The following TEAD1 variants were observed in gnomAD, a reference collection of about 807,000 sequenced individuals.
The protein encoded by TEAD1 is transcriptional enhancer factor TEF-1.
In TEAD1, 9 loss-of-function variants were observed where a neutral mutation model predicts 54.9. The ratio of observed to expected loss-of-function variants is 0.16; its 90% CI spans 0.10 to 0.29. TEAD1 has a LOEUF of 0.29. Among genes scored for constraint, TEAD1 ranks in the 10% least tolerant of loss-of-function variants. The pLI is 1.00. For missense variants in TEAD1, 387 were observed against 535.9 expected, an observed-to-expected ratio of 0.72 and a Z score of 2.74; for synonymous variants, 200 against 187.8, an observed-to-expected ratio of 1.07 and a Z score of -0.53.
intron 2 of TEAD1, among the ~76,000 whole-genome samples, chr11:12,740,616 G>A (rs1036893361): frequency 6.6e-6 from 1 of 152,128 alleles, no homozygotes; most frequent in Non-Finnish European, 1.5e-5. Flanking sequence ...CTTACATGGC[G>A]GCAGGAGAGA....
At chr11:12,843,231 C>G (rs777472104) in intron 3 of TEAD1, among the ~76,000 whole-genome samples, 3 of 152,190 alleles carry the variant, frequency 2.0e-5, no homozygotes, top group Non-Finnish European at 2.9e-5. Context: ...ACAAGGAGTC[C>G]GAGCCCAGCT....
intron 10 of TEAD1, among the ~76,000 whole-genome samples, chr11:12,913,896 G>A (rs1483930291): frequency 6.6e-6 from 1 of 152,180 alleles, no homozygotes; most frequent in African/African-American, 2.4e-5. Context: ...CCATAAAAAG[G>A]TCCTGTTTCC....
intron 9 of TEAD1, among the ~76,000 whole-genome samples, chr11:12,892,806 A>G (rs978425930): frequency 2.3e-4 from 35 of 152,234 alleles, no homozygotes; most frequent in African/African-American, 7.9e-4. Context: ...CAGTTGCTCC[A>G]TCTTGGGGTG....
intron 3 of TEAD1, among the ~76,000 whole-genome samples, chr11:12,770,676 A>G (rs1444496983): frequency 1.3e-5 from 2 of 152,230 alleles, no homozygotes; most frequent in Non-Finnish European, 2.9e-5. Context: ...TTGAGGTCAC[A>G]TAGTAAATAA....
At chr11:12,850,784 G>A (rs1384763267) in intron 3 of TEAD1, among the ~76,000 whole-genome samples, 1 of 152,138 alleles carries the variant, frequency 6.6e-6, no homozygotes, top group Non-Finnish European at 1.5e-5. Flanking sequence ...AGTGCTTTTA[G>A]CAAACCTTTT....
intron 3 of TEAD1, among the ~76,000 whole-genome samples, chr11:12,847,173 A>C (rs781339132): frequency 1.6e-4 from 25 of 152,256 alleles, no homozygotes; most frequent in Non-Finnish European, 3.1e-4. Flanking sequence ...ATATATTCAG[A>C]TATTTTTTCT....
intron 6 of TEAD1, 37 bp downstream of exon 6, chr11:12,879,879 G>C: frequency 6.2e-7 from 1 of 1,610,986 alleles, no homozygotes; most frequent in Non-Finnish European, 8.5e-7. Context: ...GACAGCTGCT[G>C]GGGTTGGGGT....
chr11:12,708,842 C>A (rs774872747), intron 2 of TEAD1, among the ~76,000 whole-genome samples: 1 of 152,144 alleles, frequency 6.6e-6, no homozygotes, highest in African/African-American at 2.4e-5. Flanking sequence ...AGTCACAGAT[C>A]AGCATGAATA....
chr11:12,883,045 C>T lies in TEAD1; in HGVS notation c.619C>T (p.Gln207Ter). 1 of 1,614,208 alleles carries T rather than the reference C, an allele frequency of 6.2e-7. No homozygotes were observed. Among genetic ancestry groups the T allele is most frequent in the Non-Finnish European group, 8.5e-7 (1 of 1,180,048 alleles). ...CCCAGCTCCCTCAGTCCCTGCCTGG[C>T]AAGGTCGCTCCATTGGCACAACCAA... Residue 207 changes from glutamine to a stop codon, truncating the protein, a stop_gained, in exon 9 of 13, where the codon CAA becomes TAA. Coordinates refer to ENST00000527636, the MANE Select transcript of TEAD1 (RefSeq NM_021961.6). LOFTEE classifies it high-confidence loss of function.
chr11:12,870,889 A>C (rs1301162372), intron 5 of TEAD1, among the ~76,000 whole-genome samples: 1 of 152,198 alleles, frequency 6.6e-6, no homozygotes, highest in African/African-American at 2.4e-5. Flanking sequence ...CTGTCTCCAA[A>C]AAAAAGAAAA....
At chr11:12,849,782 C>G (rs1341308102) in intron 3 of TEAD1, among the ~76,000 whole-genome samples, 1 of 152,172 alleles carries the variant, frequency 6.6e-6, no homozygotes, top group Admixed American at 6.5e-5. Flanking sequence ...GCTATACTTA[C>G]CTTCTGGCAA....
At chr11:12,892,046 C>T (rs929917491) in intron 9 of TEAD1, among the ~76,000 whole-genome samples, 2 of 152,188 alleles carry the variant, frequency 1.3e-5, no homozygotes, top group African/African-American at 2.4e-5. Context: ...ACTGGCAGGC[C>T]TGTGGTTGAG....
intron 2 of TEAD1, among the ~76,000 whole-genome samples, chr11:12,763,957 A>G (rs1945151787): frequency 6.6e-6 from 1 of 152,222 alleles, no homozygotes; most frequent in Admixed American, 6.5e-5. Flanking sequence ...TCAAAATTCC[A>G]TATTCTCCAG....
At chr11:12,927,900 G>A (rs1420001573) in intron 11 of TEAD1, among the ~76,000 whole-genome samples, 1 of 152,006 alleles carries the variant, frequency 6.6e-6, no homozygotes, top group African/African-American at 2.4e-5. Context: ...CCAGATTCCT[G>A]GGGTACCCTT....
chr11:12,853,911 C>G (rs747315750), intron 3 of TEAD1, among the ~76,000 whole-genome samples: 11 of 152,140 alleles, frequency 7.2e-5, no homozygotes, highest in Non-Finnish European at 1.6e-4. Context: ...GTTAACACAG[C>G]CTTTCTCTGT....
At chr11:12,746,625 T>C (rs1399309564) in intron 2 of TEAD1, among the ~76,000 whole-genome samples, 3 of 152,226 alleles carry the variant, frequency 2.0e-5, no homozygotes, top group Non-Finnish European at 4.4e-5. Flanking sequence ...CTTTGACACA[T>C]GTTCAAAGGT....
At chr11:12,881,986 A>G (rs777109653) in intron 8 of TEAD1, 29 bp downstream of exon 8, 2 of 1,609,910 alleles carry the variant, frequency 1.2e-6, no homozygotes, top group African/African-American at 2.7e-5. Context: ...CCTTTTTGGG[A>G]GCACAGCCCC....
At chr11:12,810,162 G>T (rs1946270364) in intron 3 of TEAD1, among the ~76,000 whole-genome samples, 3 of 151,888 alleles carry the variant, frequency 2.0e-5, no homozygotes. Context: ...TGTATATTTA[G>T]TAGAGACAGG....
intron 2 of TEAD1, among the ~76,000 whole-genome samples, chr11:12,676,581 A>C (rs1210118730): frequency 6.6e-6 from 1 of 152,226 alleles, no homozygotes; most frequent in East Asian, 1.9e-4. Flanking sequence ...ACTTAAATCC[A>C]ACTTCCTTAG....
Sources: allele counts gnomAD v4.1 joint callset (sites outside exome capture counted in the v4.1 genomes callset), GRCh38; gene constraint gnomAD v4.1.1; transcripts MANE v1.5; gene names NCBI Gene and HGNC (gene_info 2026-07-23, HGNC 2026-07-21).